Variants in EPB41L1 observed in about 807,000 individuals in gnomAD.
EPB41L1 encodes the protein erythrocyte membrane protein band 4.1 like 1, also known as band 4.1-like protein 1.
In EPB41L1, 29 loss-of-function variants were observed where a neutral mutation model predicts 97.8. The observed-to-expected ratio is 0.30, with a 90% confidence interval of 0.22 to 0.40. The LOEUF (loss-of-function observed/expected upper bound fraction) is 0.40, where lower values mean the gene tolerates loss of function less well. Among genes scored for constraint, EPB41L1 ranks in the 10% least tolerant of loss-of-function variants. The probability of loss-of-function intolerance (pLI) is 1.00; values close to 1 mark genes in which losing one functional copy is unlikely to be tolerated. For missense variants in EPB41L1, 812 were observed against 1,162.3 expected, an observed-to-expected ratio of 0.70 and a Z score of 4.38; for synonymous variants, 383 against 459.2, an observed-to-expected ratio of 0.83 and a Z score of 2.12.
At position 36,212,467 on chromosome 20, in the gene EPB41L1, TC is replaced by T; in HGVS notation, c.2184+92del. ...GCTGTGGCCAAACCCCTTGGCCAGC[TC>T]TTTTAATCTCAGCTTCCCTGGAACC... On this transcript the variant is annotated intron_variant, in intron 16 of 21. Transcript: ENST00000338074. The surrounding 1 kb of genome is among the most constrained non-coding windows in gnomAD (Gnocchi z 4.8). 9.6e-7 allele frequency: 1 copy of T among 1,037,894 alleles called. No homozygotes were observed. The highest frequency in any genetic ancestry group is 1.5e-6 in the Non-Finnish European group (1 of 673,052). 64.3% of individuals were successfully genotyped at this position (1,037,894 alleles called of 1,614,324 possible).
intron 8 of EPB41L1, 148 bp downstream of exon 8, chr20:36,187,911 T>C: frequency 1.4e-6 from 1 of 738,654 alleles, no homozygotes; most frequent in South Asian, 1.5e-5. Flanking sequence ...CGAAGTTCCA[T>C]AACCTTTTAT....
At chr20:36,099,760 A>C (rs1302102847) in intron 1 of EPB41L1, among the ~76,000 whole-genome samples, 1 of 152,170 alleles carries the variant, frequency 6.6e-6, no homozygotes, top group African/African-American at 2.4e-5. Flanking sequence ...GTCAGTGGTA[A>C]TTGGAACACC....
intron 4 of EPB41L1, among the ~76,000 whole-genome samples, chr20:36,178,380 G>T (rs992433273): frequency 2.6e-5 from 4 of 152,180 alleles, no homozygotes. Flanking sequence ...CATTGCAGAT[G>T]CATCACCTGC....
At chr20:36,153,810 G>A (rs1046439928), upstream of EPB41L1, among the ~76,000 whole-genome samples, 1 of 152,120 alleles carries the variant, frequency 6.6e-6, no homozygotes, top group Non-Finnish European at 1.5e-5. Flanking sequence ...CCCCACCTTC[G>A]GATTGTGTGA....
intron 2 of EPB41L1, among the ~76,000 whole-genome samples, chr20:36,122,269 G>C (rs1830875345): frequency 6.6e-6 from 1 of 152,198 alleles, no homozygotes; most frequent in African/African-American, 2.4e-5. Context: ...TATAGGTTGA[G>C]TGTCCAGAGG....
upstream of EPB41L1, chr20:36,152,663 A>T: frequency 4.1e-6 from 1 of 244,758 alleles, no homozygotes; most frequent in Non-Finnish European, 8.2e-6. Flanking sequence ...TGAAACAATA[A>T]ATGCATCTGG....
chr20:36,214,667 T>A (rs2063336287), intron 17 of EPB41L1, among the ~76,000 whole-genome samples: 1 of 152,190 alleles, frequency 6.6e-6, no homozygotes, highest in Non-Finnish European at 1.5e-5. Flanking sequence ...GAATCCCCAC[T>A]GATAGTGTCA....
intron 14 of EPB41L1, 33 bp downstream of exon 14, chr20:36,198,074 C>G: frequency 1.9e-6 from 3 of 1,598,200 alleles, no homozygotes; most frequent in Non-Finnish European, 1.7e-6. Flanking sequence ...CGATAGGGGC[C>G]TTGGGTAAAG....
Position 36,206,914 on chromosome 20 carries a change from C to G in EPB41L1, c.1669-2574C>G. The G allele has an allele frequency of 7.8e-7, 1 of 1,289,950 alleles. No homozygotes were observed. Among genetic ancestry groups the G allele is most frequent in the Non-Finnish European group, 1.0e-6 (1 of 988,898 alleles). 79.9% of individuals were successfully genotyped at this position (1,289,950 alleles called of 1,614,324 possible). On this transcript the variant is annotated intron_variant, in intron 14 of 21. Coordinates refer to ENST00000338074, the MANE Select transcript of EPB41L1 (RefSeq NM_012156.2). This position sits in a 1 kb window ranked among gnomAD's most constrained non-coding sequence, Gnocchi z 5.5. ...AGGACAGGGCGTGCATCCCGACCCC[C>G]AGGCCTGCGCCCTTCCTCGGGCCAT...
intron 1 of EPB41L1, among the ~76,000 whole-genome samples, chr20:36,161,649 A>G (rs2060528606): frequency 6.6e-6 from 1 of 151,606 alleles, no homozygotes; most frequent in Non-Finnish European, 1.5e-5. Flanking sequence ...TAGTTCTTGT[A>G]TTTTTAGTAG....
chr20:36,195,186 T>C lies in EPB41L1; in HGVS notation c.1450-143T>C. On this transcript the variant is annotated intron_variant, in intron 12 of 21. Coordinates refer to ENST00000338074, the MANE Select transcript of EPB41L1 (RefSeq NM_012156.2). The surrounding 1 kb of genome is among the most constrained non-coding windows in gnomAD (Gnocchi z 4.6). ...TCTGACTACCTCACTGCCCTGCTGG[T>C]GGCCCACCCAGCTGCCCTGGCCTCC... 1 of 895,050 alleles carries C rather than the reference T, an allele frequency of 1.1e-6. No individual in the cohort carries two copies. Among genetic ancestry groups the C allele is most frequent in the East Asian group, 2.6e-5 (1 of 38,338 alleles). The allele number at this position is 895,050 out of a possible 1,614,324, so 55.4% of individuals were successfully genotyped here.
intron 16 of EPB41L1, among the ~76,000 whole-genome samples, chr20:36,214,024 G>A (rs1601016951): frequency 6.6e-6 from 1 of 151,742 alleles, no homozygotes; most frequent in South Asian, 2.1e-4. Flanking sequence ...ATCAGCGCTC[G>A]TGAATTTCCT....
In EPB41L1 at chr20:36,232,542, T is replaced by A. The variant is rs2064535705; in HGVS notation, c.*3202T>A. On this transcript the variant is annotated 3_prime_UTR_variant, in exon 22 of 22. Coordinates refer to ENST00000338074, the MANE Select transcript of EPB41L1 (RefSeq NM_012156.2). ...TGAGGGTACAGGAAGTACCAGGACC[T>A]GTTTCAGTTTTTGAATCCTGCAAGC... 7.5e-6 allele frequency: 3 copies of A among 398,960 alleles called. No individual in the cohort carries two copies. Among genetic ancestry groups the A allele is most frequent in the East Asian group, 7.1e-5 (2 of 28,078 alleles). The allele number at this position is 398,960 out of a possible 1,614,324, so 24.7% of individuals were successfully genotyped here. A position where few individuals can be genotyped will look rare whatever the true frequency, so the allele number is the denominator to read the frequency against.
Position 36,232,769 on chromosome 20 carries a change from G to C in EPB41L1, c.*3429G>C. 1 of 397,954 alleles carries C rather than the reference G, an allele frequency of 2.5e-6. No individual in the cohort carries two copies. Among genetic ancestry groups the C allele is most frequent in the South Asian group, 1.3e-4 (1 of 7,828 alleles). The allele number at this position is 397,954 out of a possible 1,614,324, so 24.7% of individuals were successfully genotyped here. On this transcript the variant is annotated 3_prime_UTR_variant, in exon 22 of 22. Transcript: ENST00000338074. The stretch of plus-strand genomic sequence containing the variant: ...CTCTGTTCTTGTATACTCAATATAA[G>C]TGAAATAAATGTGTTTGATGCTGAA...
At chr20:36,155,485 G>A (rs1333614606) in intron 1 of EPB41L1, 1 of 420,494 alleles carries the variant, frequency 2.4e-6, no homozygotes, top group African/African-American at 2.0e-5. Flanking sequence ...GGGCTTGTGT[G>A]TCCCACTTGT....
chr20:36,099,553 G>GAGCCC (rs949423584), intron 1 of EPB41L1, among the ~76,000 whole-genome samples: 1 of 152,036 alleles, frequency 6.6e-6, no homozygotes, highest in Non-Finnish European at 1.5e-5. Context: ...ATTCTCCTCA[G>GAGCCC]AGCCCAGCCC....
rs537398604 is a variant in EPB41L1 at position 36,209,832 on chromosome 20, G to A, written c.2013G>A (p.Glu671=). 3 of 1,613,862 alleles carry A rather than the reference G, an allele frequency of 1.9e-6. No homozygotes were observed. Among genetic ancestry groups the A allele is most frequent in the African/African-American group, 1.3e-5 (1 of 75,052 alleles). ...LNKGAPSQDD[E]SGGIEDSPDR... is the part of the protein sequence containing the mutation. ...AGGGGGCCCCCAGCCAGGATGATGAGTCTGGGGGCATTGAGGACAGCCCGG... is the reference window on the plus strand; with the variant it reads ...AGGGGGCCCCCAGCCAGGATGATGAATCTGGGGGCATTGAGGACAGCCCGG... Residue 671 remains glutamate (E), a synonymous_variant, in exon 15 of 22, where the codon GAG becomes GAA. Coordinates refer to ENST00000338074, the MANE Select transcript of EPB41L1 (RefSeq NM_012156.2). The surrounding 1 kb of genome is among the most constrained non-coding windows in gnomAD (Gnocchi z 4.2).
intron 14 of EPB41L1, chr20:36,208,284 T>A (rs1297872137): frequency 1.4e-5 from 6 of 431,068 alleles, no homozygotes. Flanking sequence ...TAAGACTAAC[T>A]GTCTTCTCTA....
intron 1 of EPB41L1, among the ~76,000 whole-genome samples, chr20:36,099,604 T>C (rs1304653912): frequency 1.3e-5 from 2 of 152,082 alleles, no homozygotes; most frequent in Non-Finnish European, 2.9e-5. Flanking sequence ...CCTCTTTGCC[T>C]GTTTGTGCTC....
Sources: allele counts gnomAD v4.1 joint callset (sites outside exome capture counted in the v4.1 genomes callset), GRCh38; gene constraint gnomAD v4.1.1; non-coding constraint Gnocchi (gnomAD v3.1); transcripts MANE v1.5; gene names NCBI Gene and HGNC (gene_info 2026-07-23, HGNC 2026-07-21).